PPP2R2A: variants seen among roughly 807,000 people sequenced by gnomAD.
PPP2R2A encodes protein phosphatase 2 regulatory subunit Balpha, also known as serine/threonine-protein phosphatase 2A 55 kDa regulatory subunit B alpha isoform.
A neutral mutation model predicts 53.2 loss-of-function variants in PPP2R2A; 9 were observed. The observed-to-expected ratio is 0.17, with a 90% confidence interval of 0.10 to 0.30. The LOEUF (loss-of-function observed/expected upper bound fraction) is 0.30, where lower values mean the gene tolerates loss of function less well. Among genes scored for constraint, PPP2R2A ranks in the 10% least tolerant of loss-of-function variants. PPP2R2A has a pLI of 1.00. For missense variants in PPP2R2A, 235 were observed against 534.6 expected (o/e 0.44, Z 5.53); for synonymous variants, 169 against 174.2 (o/e 0.97, Z 0.23).
intron 2 of PPP2R2A, among the ~76,000 whole-genome samples, chr8:26,320,709 G>C (rs934739605): frequency 2.0e-5 from 3 of 152,088 alleles, no homozygotes; most frequent in African/African-American, 7.2e-5. Flanking sequence ...TAAGTTTTGT[G>C]ATGTTTTAAA....
chr8:26,328,122 TTTC>T (rs1221201429), intron 2 of PPP2R2A, among the ~76,000 whole-genome samples: 4 of 152,118 alleles, frequency 2.6e-5, no homozygotes, highest in African/African-American at 7.2e-5. Context: ...ACATATACAG[TTTC>T]TTAACTTTTT....
intron 2 of PPP2R2A, chr8:26,298,615 C>CAGT (rs1327944200): frequency 6.6e-6 from 1 of 152,170 alleles, no homozygotes; most frequent in Non-Finnish European, 1.5e-5. Flanking sequence ...CAAGGTAATA[C>CAGT]AGTAATTGCT....
At chr8:26,367,034 T>C (rs1805412200) in intron 9 of PPP2R2A, among the ~76,000 whole-genome samples, 1 of 152,176 alleles carries the variant, frequency 6.6e-6, no homozygotes, top group African/African-American at 2.4e-5. Context: ...GAACAGAAAG[T>C]AGTAAAACAT....
intron 3 of PPP2R2A, among the ~76,000 whole-genome samples, chr8:26,348,879 A>G (rs1255921662): frequency 6.6e-6 from 1 of 152,090 alleles, no homozygotes; most frequent in Non-Finnish European, 1.5e-5. Context: ...TTTCTCAGGG[A>G]TTTTTGTTTT....
At chr8:26,351,472 A>G (rs527994136) in intron 3 of PPP2R2A, among the ~76,000 whole-genome samples, 6 of 152,356 alleles carry the variant, frequency 3.9e-5, no homozygotes, top group South Asian at 2.1e-4. Flanking sequence ...AGTGCTCAAC[A>G]TGACTAGTGG....
chr8:26,291,976 C>T (rs1429932007), intron 1 of PPP2R2A, 150 bp downstream of exon 1: 2 of 236,300 alleles, frequency 8.5e-6, no homozygotes, highest in East Asian at 2.1e-4. Flanking sequence ...GGGGTGGGGG[C>T]GGGGAGGGCT....
intron 2 of PPP2R2A, chr8:26,298,654 T>TA (rs892192552): frequency 3.0e-4 from 45 of 152,296 alleles, no homozygotes; most frequent in African/African-American, 8.9e-4. Context: ...TTTGGTTTTT[T>TA]AAAAAACGTA....
chr8:26,356,070 T>A (rs1035577550), intron 4 of PPP2R2A, among the ~76,000 whole-genome samples: 3 of 152,202 alleles, frequency 2.0e-5, no homozygotes, highest in African/African-American at 7.2e-5. Context: ...TATAAAAATT[T>A]GTGATTAAAA....
chr8:26,361,221 T>A, intron 6 of PPP2R2A, 70 bp downstream of exon 6: 1 of 1,424,516 alleles, frequency 7.0e-7, no homozygotes, highest in Non-Finnish European at 9.4e-7. Context: ...TTATTTCATC[T>A]CTCCTAATGA....
chr8:26,352,813 G>A (rs1325213875), intron 3 of PPP2R2A, among the ~76,000 whole-genome samples: 1 of 152,142 alleles, frequency 6.6e-6, no homozygotes, highest in Non-Finnish European at 1.5e-5. Flanking sequence ...CAAATACAAT[G>A]TGTGGCTCGC....
rs1805662322 is a variant in PPP2R2A at position 26,371,387 on chromosome 8, A to C, written c.*974A>C. 1.4e-5 allele frequency: 2 copies of C among 144,982 alleles called. No individual in the cohort carries two copies. Among genetic ancestry groups the C allele is most frequent in the African/African-American group, 2.5e-5 (1 of 39,654 alleles). 9.0% of individuals were successfully genotyped at this position (144,982 alleles called of 1,614,324 possible). A position where few individuals can be genotyped will look rare whatever the true frequency, so the allele number is the denominator to read the frequency against. On this transcript the variant is annotated 3_prime_UTR_variant, in exon 10 of 10. Transcript: ENST00000380737. ...TTTTTTTTTTTACCATCATGAGGGT[A>C]TTGGATACATTGTGTCTCTATTTAA...
intron 2 of PPP2R2A, among the ~76,000 whole-genome samples, chr8:26,294,648 A>G (rs369115380): frequency 1.3e-5 from 2 of 152,336 alleles, no homozygotes; most frequent in Non-Finnish European, 1.5e-5. Context: ...GTGAAAATTC[A>G]TAAACCTTTT....
At chr8:26,312,973 C>T (rs1184851146) in intron 2 of PPP2R2A, among the ~76,000 whole-genome samples, 1 of 152,000 alleles carries the variant, frequency 6.6e-6, no homozygotes, top group Non-Finnish European at 1.5e-5. Flanking sequence ...CACCTGTCCT[C>T]ATCTTGATCC....
rs527695135 is a variant in PPP2R2A at position 26,360,771 on chromosome 8, A to G, written c.460-203A>G. On this transcript the variant is annotated intron_variant, in intron 5 of 9. Coordinates refer to ENST00000380737, the MANE Select transcript of PPP2R2A (RefSeq NM_002717.4). The surrounding 1 kb of genome is among the most constrained non-coding windows in gnomAD (Gnocchi z 4.5). ...AAATTCTAATAGTATTGCAACCAGT[A>G]AAAGAAGATATATTATCCACATTGT... The G allele has an allele frequency of 4.3e-5, 22 of 507,196 alleles. No homozygotes were observed. Among genetic ancestry groups the G allele is most frequent in the Non-Finnish European group, 5.4e-5 (16 of 297,936 alleles). The allele number at this position is 507,196 out of a possible 1,614,324, so 31.4% of individuals were successfully genotyped here. A position where few individuals can be genotyped will look rare whatever the true frequency, so the allele number is the denominator to read the frequency against.
At chr8:26,355,870 A>C (rs1455062191) in intron 4 of PPP2R2A, among the ~76,000 whole-genome samples, 6 of 12,530 alleles carry the variant, frequency 4.8e-4, no homozygotes, top group Admixed American at 3.1e-3. Context: ...ACTCGTCTCA[A>C]AAAAAAAAAA....
chr8:26,360,264 A>G lies in PPP2R2A; in HGVS notation c.442A>G (p.Thr148Ala). ...GGATGGAAGGTATAGAGATCCTACT[A>G]CAGTTACTACACTACGAGTAAGTAC... ...EEDGRYRDPT[T>A]VTTLRVPVFR... is the part of the protein sequence containing the mutation. Residue 148 changes from threonine to alanine, a missense_variant, in exon 5 of 10, where the codon ACA (threonine) becomes GCA (alanine). By Grantham distance (58) the Thr-to-Ala change is moderately conservative (BLOSUM62 0). This residue lies in a region of PPP2R2A where 181 missense variants were observed against 409.9 expected (regional missense o/e 0.44). Transcript: ENST00000380737. This position sits in a 1 kb window ranked among gnomAD's most constrained non-coding sequence, Gnocchi z 4.5. The G allele has an allele frequency of 6.3e-7, 1 of 1,595,718 alleles. No individual in the cohort carries two copies.
At chr8:26,303,157 G>C (rs890579833) in intron 2 of PPP2R2A, among the ~76,000 whole-genome samples, 5 of 152,080 alleles carry the variant, frequency 3.3e-5, no homozygotes, top group African/African-American at 9.7e-5. Context: ...TGTTCTTTTA[G>C]ATACCAAATT....
At chr8:26,334,037 C>G (rs1019568720) in intron 2 of PPP2R2A, among the ~76,000 whole-genome samples, 2 of 151,966 alleles carry the variant, frequency 1.3e-5, no homozygotes, top group African/African-American at 4.8e-5. Context: ...ACTCTTATGC[C>G]TTTTAAATAC....
intron 2 of PPP2R2A, among the ~76,000 whole-genome samples, chr8:26,301,706 A>C (rs1007321622): frequency 1.3e-5 from 2 of 152,166 alleles, no homozygotes; most frequent in African/African-American, 4.8e-5. Flanking sequence ...AATTGATATC[A>C]TTTAGTCCAG....
Sources: allele counts gnomAD v4.1 joint callset (sites outside exome capture counted in the v4.1 genomes callset), GRCh38; gene constraint gnomAD v4.1.1; regional missense constraint gnomAD v4.1.1; non-coding constraint Gnocchi (gnomAD v3.1); transcripts MANE v1.5; gene names NCBI Gene and HGNC (gene_info 2026-07-23, HGNC 2026-07-21).